The following DGKB variants were observed in gnomAD, a reference collection of about 807,000 sequenced individuals.
DGKB encodes diacylglycerol kinase beta.
In DGKB, 67 loss-of-function variants were observed where a neutral mutation model predicts 114.3. The ratio of observed to expected loss-of-function variants is 0.59; its 90% CI spans 0.48 to 0.72. DGKB has a LOEUF of 0.72. DGKB is among the 30% of genes least tolerant of loss of function. The probability of loss-of-function intolerance (pLI) is 0.00; values close to 1 mark genes in which losing one functional copy is unlikely to be tolerated. For synonymous variants in DGKB, 398 were observed against 323.1 expected (o/e 1.23, Z -2.49); for missense variants, 907 against 975.2 (o/e 0.93, Z 0.93).
intron 23 of DGKB, among the ~76,000 whole-genome samples, chr7:14,264,980 A>G (rs1372458229): frequency 6.6e-6 from 1 of 152,186 alleles, no homozygotes; most frequent in Non-Finnish European, 1.5e-5. Context: ...AATAAAAAAT[A>G]TATGGCATTT....
intron 21 of DGKB, among the ~76,000 whole-genome samples, chr7:14,435,580 C>A (rs1829116229): frequency 6.6e-6 from 1 of 152,046 alleles, no homozygotes; most frequent in African/African-American, 2.4e-5. Context: ...ATTTTTACTA[C>A]AAGAACCATT....
intron 1 of DGKB, among the ~76,000 whole-genome samples, chr7:14,915,607 G>T (rs1353075549): frequency 2.0e-5 from 3 of 152,066 alleles, no homozygotes; most frequent in Non-Finnish European, 4.4e-5. Flanking sequence ...ACAAGAATAA[G>T]AATTACACTG....
intron 2 of DGKB, among the ~76,000 whole-genome samples, chr7:14,840,084 G>T (rs1257742205): frequency 6.6e-6 from 1 of 152,110 alleles, no homozygotes; most frequent in African/African-American, 2.4e-5. Context: ...CCCTATATGT[G>T]TTTAACCCTT....
intron 21 of DGKB, among the ~76,000 whole-genome samples, chr7:14,359,304 T>C (rs924449376): frequency 2.0e-5 from 3 of 152,062 alleles, no homozygotes; most frequent in Admixed American, 2.0e-4. Context: ...TTACACCTTA[T>C]ACAAAAATTA....
At chr7:14,689,207 T>TATTTTTTTTA (rs71004326) in intron 9 of DGKB, among the ~76,000 whole-genome samples, 139 of 125,016 alleles carry the variant, frequency 1.1e-3, no homozygotes, top group East Asian at 7.6e-3. Context: ...TTATTTTTTT[T>TATTTTTTTTA]TTTTTTTTTT....
intron 2 of DGKB, among the ~76,000 whole-genome samples, chr7:14,798,377 C>G (rs980954405): frequency 2.6e-5 from 4 of 152,170 alleles, no homozygotes; most frequent in Non-Finnish European, 5.9e-5. Flanking sequence ...GCCCGTATAA[C>G]CTGTGTTGCC....
chr7:14,166,691 T>C (rs1000846836), intron 25 of DGKB, among the ~76,000 whole-genome samples: 1 of 151,982 alleles, frequency 6.6e-6, no homozygotes, highest in African/African-American at 2.4e-5. Context: ...AAAAGGCAAA[T>C]TGGGGAAGAA....
intron 21 of DGKB, among the ~76,000 whole-genome samples, chr7:14,397,319 A>G (rs902480885): frequency 6.6e-6 from 1 of 152,074 alleles, no homozygotes; most frequent in African/African-American, 2.4e-5. Flanking sequence ...GTTTAAGCGT[A>G]GTGGTTGGCC....
chr7:14,189,375 AG>A (rs1783975713), intron 23 of DGKB, among the ~76,000 whole-genome samples: 1 of 152,216 alleles, frequency 6.6e-6, no homozygotes, highest in African/African-American at 2.4e-5. Flanking sequence ...TCTTTATGTT[AG>A]CCTGTGGTAA....
Position 14,682,806 on chromosome 7 carries a change from G to A in DGKB, c.865C>T (p.Arg289Ter). ...GTCTTGATGCAAGAGGGAGGTGCTCGAGCCACACAGCGCTCATGGACTGTG... is the reference window on the plus strand; with the variant it reads ...GTCTTGATGCAAGAGGGAGGTGCTCAAGCCACACAGCGCTCATGGACTGTG... ...KYTVHERCVARAPPSCIKTYV... is the reference protein window; with the variant it reads ...KYTVHERCVA Residue 289 changes from arginine to a stop codon, truncating the protein, a stop_gained, in exon 11 of 26, where the codon CGA becomes TGA. Transcript: ENST00000402815. LOFTEE classifies it high-confidence loss of function. 1 of 1,603,240 alleles carries A rather than the reference G, an allele frequency of 6.2e-7. No homozygotes were observed. The highest frequency in any genetic ancestry group is 1.7e-5 in the Admixed American group (1 of 57,826).
intron 13 of DGKB, among the ~76,000 whole-genome samples, chr7:14,659,716 C>G (rs1363267991): frequency 6.8e-6 from 1 of 147,056 alleles, no homozygotes; most frequent in Non-Finnish European, 1.5e-5. Context: ...TAATTGAATA[C>G]CCTTTATTTC....
chr7:14,359,299 C>A (rs947238415), intron 21 of DGKB, among the ~76,000 whole-genome samples: 3 of 152,096 alleles, frequency 2.0e-5, no homozygotes, highest in African/African-American at 7.2e-5. Flanking sequence ...CTTCCTTACA[C>A]CTTATACAAA....
intron 21 of DGKB, among the ~76,000 whole-genome samples, chr7:14,474,178 G>A (rs1781828922): frequency 6.6e-6 from 1 of 152,120 alleles, no homozygotes; most frequent in Non-Finnish European, 1.5e-5. Flanking sequence ...CCTGGTGGGT[G>A]GTAATTGGAT....
At chr7:14,372,014 T>C (rs1458039414) in intron 21 of DGKB, among the ~76,000 whole-genome samples, 1 of 152,184 alleles carries the variant, frequency 6.6e-6, no homozygotes, top group African/African-American at 2.4e-5. Context: ...CCTCCTGCTC[T>C]TGGTCCCAAG....
chr7:14,914,991 A>G (rs965789935), intron 1 of DGKB, among the ~76,000 whole-genome samples: 8 of 152,164 alleles, frequency 5.3e-5, no homozygotes, highest in Non-Finnish European at 1.0e-4. Context: ...AAAGAGCAAA[A>G]ATAATTTAAA....
chr7:14,635,429 A>G (rs1361643054), intron 13 of DGKB, among the ~76,000 whole-genome samples: 2 of 145,212 alleles, frequency 1.4e-5, no homozygotes, highest in African/African-American at 2.6e-5. Flanking sequence ...GAGACAGAGG[A>G]AGCTCTTAGA....
At chr7:14,690,491 C>G (rs567119744) in intron 9 of DGKB, among the ~76,000 whole-genome samples, 1 of 152,176 alleles carries the variant, frequency 6.6e-6, no homozygotes, top group African/African-American at 2.4e-5. Flanking sequence ...AAAACTTTTT[C>G]TGTTTTTTAA....
intron 20 of DGKB, among the ~76,000 whole-genome samples, chr7:14,481,866 T>C (rs937580113): frequency 2.6e-5 from 4 of 152,016 alleles, no homozygotes; most frequent in Admixed American, 6.6e-5. Flanking sequence ...TTTCCAGTAA[T>C]ATTTTTGGAG....
chr7:14,348,991 C>T (rs531917911), intron 21 of DGKB, among the ~76,000 whole-genome samples: 5 of 152,070 alleles, frequency 3.3e-5, no homozygotes, highest in Admixed American at 3.3e-4. Flanking sequence ...AAGAAGCTGA[C>T]AGAAGTTTAT....
Sources: allele counts gnomAD v4.1 joint callset (sites outside exome capture counted in the v4.1 genomes callset), GRCh38; gene constraint gnomAD v4.1.1; transcripts MANE v1.5; gene names NCBI Gene and HGNC (gene_info 2026-07-23, HGNC 2026-07-21).